Variants in PKM observed in about 807,000 individuals in gnomAD.
PKM encodes pyruvate kinase PKM.
In PKM, 18 loss-of-function variants were observed where a neutral mutation model predicts 49.8. That is an observed-to-expected ratio of 0.36 (90% CI 0.25 to 0.54). The LOEUF (loss-of-function observed/expected upper bound fraction) is 0.54, where lower values mean the gene tolerates loss of function less well. Among genes scored for constraint, PKM ranks in the 20% least tolerant of loss-of-function variants. PKM has a pLI of 0.89. For missense variants in PKM, 508 were observed against 713.8 expected, an observed-to-expected ratio of 0.71 and a Z score of 3.28; for synonymous variants, 239 against 261.8, an observed-to-expected ratio of 0.91 and a Z score of 0.84.
intron 3 of PKM, among the ~76,000 whole-genome samples, chr15:72,214,360 G>T (rs1410104569): frequency 6.6e-6 from 1 of 152,084 alleles, no homozygotes; most frequent in African/African-American, 2.4e-5. Flanking sequence ...TCAAATCTAT[G>T]TCATATATCA....
intron 4 of PKM, 200 bp from the exon 5 acceptor site, chr15:72,210,059 C>G (rs1381954015): frequency 1.6e-6 from 1 of 637,304 alleles, no homozygotes; most frequent in East Asian, 2.7e-5. Context: ...AGTTATGCTA[C>G]TTAATGATGG....
rs375024758 is a variant in PKM at position 72,209,785 on chromosome 15, C to T, written c.453G>A (p.Lys151=). 9 of 1,614,100 alleles carry T rather than the reference C, an allele frequency of 5.6e-6. No individual in the cohort carries two copies. Among genetic ancestry groups the T allele is most frequent in the African/African-American group, 1.3e-5 (1 of 75,026 alleles). The change falls in exon 5 of 11, where the codon AAG becomes AAA. Residue 151 remains lysine (K), a synonymous_variant. Coordinates refer to ENST00000335181, the MANE Select transcript of PKM (RefSeq NM_002654.6). ...KITLDNAYME[K]CDENILWLDY... is the part of the protein sequence containing the mutation. ...CCAGCCACAGGATGTTCTCGTCACA[C>T]TTTTCCATGTAGGCGTTATCCAGCG...
intron 4 of PKM, 156 bp from the exon 5 acceptor site, chr15:72,210,015 T>G (rs1051059313): frequency 1.4e-6 from 1 of 705,796 alleles, no homozygotes; most frequent in African/African-American, 1.8e-5. Context: ...CTCTGTATAC[T>G]TCACGGAAAT....
intron 1 of PKM, among the ~76,000 whole-genome samples, chr15:72,226,021 G>A (rs997591245): frequency 2.0e-5 from 3 of 152,194 alleles, no homozygotes; most frequent in African/African-American, 4.8e-5. Context: ...GCCCATCGGT[G>A]ACATTTGTTT....
In PKM at chr15:72,199,649, A is replaced by G. The variant is rs1027535730; in HGVS notation, c.*1T>C. On this transcript the variant is annotated 3_prime_UTR_variant, in exon 11 of 11. Coordinates refer to ENST00000335181, the MANE Select transcript of PKM (RefSeq NM_002654.6). ...GGCTGGAGGAGGGGCTCTGGGGTCC[A>G]TCACGGCACAGGAACAACACGCATG... 5.6e-6 allele frequency: 9 copies of G among 1,610,736 alleles called. No homozygotes were observed. In the African/African-American group the frequency reaches 1.2e-4, roughly 22 times the overall value.
intron 1 of PKM, among the ~76,000 whole-genome samples, chr15:72,225,781 G>A (rs979294906): frequency 3.3e-5 from 5 of 152,088 alleles, no homozygotes; most frequent in African/African-American, 4.8e-5. Flanking sequence ...CTCCCTCCCC[G>A]TTAAACTAAG....
At position 72,212,618 on chromosome 15, in the gene PKM, T is replaced by C. The variant is rs576913012; in HGVS notation, c.247-2140A>G. Among the ~76,000 whole-genome samples the C allele has an allele frequency of 3.3e-5, 5 of 152,320 alleles. No homozygotes were observed. In the South Asian group the frequency reaches 1.0e-3, roughly 32 times the overall value. Reference sequence around the variant, plus strand: ...AAGTACATGGTAATTATCTAATAAATGTTACCTATTATCATCTTATAATGA... The same window carrying C: ...AAGTACATGGTAATTATCTAATAAACGTTACCTATTATCATCTTATAATGA... On this transcript the variant is annotated intron_variant, in intron 3 of 10. Coordinates refer to ENST00000335181, the MANE Select transcript of PKM (RefSeq NM_002654.6).
In PKM at chr15:72,200,682, AG is replaced by A. The variant is rs2081923245; in HGVS notation, c.1308-28del. 1.3e-6 allele frequency: 2 copies of A among 1,597,532 alleles called. No homozygotes were observed. Among genetic ancestry groups the A allele is most frequent in the African/African-American group, 2.7e-5 (2 of 74,710 alleles). On this transcript the variant is annotated intron_variant, in intron 9 of 10. Transcript: ENST00000335181. This position sits in a 1 kb window ranked among gnomAD's most constrained non-coding sequence, Gnocchi z 4.6. ...TGAGATGGGATGGGGGACATACAGA[AG>A]AGACCATTACACGAGGCCCCAGGAA...
intron 1 of PKM, chr15:72,228,721 G>T: frequency 1.3e-6 from 1 of 793,820 alleles, no homozygotes; most frequent in Non-Finnish European, 1.8e-6. Context: ...CAGCACCTCA[G>T]GCCACCAAAG....
chr15:72,203,899 T>C (rs933342603), intron 8 of PKM: 2 of 152,342 alleles, frequency 1.3e-5, no homozygotes, highest in African/African-American at 4.8e-5. Flanking sequence ...AAAACAGTCA[T>C]GAGAAAGCCA....
intron 5 of PKM, chr15:72,209,396 A>AATATATGTATATATATATAT (rs2082172401): frequency 2.5e-5 from 2 of 78,982 alleles, no homozygotes; most frequent in African/African-American, 1.2e-4. Flanking sequence ...CAGCGAAACA[A>AATATATGTATATATATATAT]ATATATATAT....
chr15:72,203,435 A>C (rs969490419), intron 8 of PKM: 1 of 538,392 alleles, frequency 1.9e-6, no homozygotes, highest in Non-Finnish European at 3.4e-6. Context: ...GGATTTTTTC[A>C]TTGGGGGTGG....
chr15:72,208,022 A>T (rs1247622511), intron 6 of PKM, among the ~76,000 whole-genome samples: 1 of 152,198 alleles, frequency 6.6e-6, no homozygotes, highest in East Asian at 1.9e-4. Context: ...CTTTGTGAGC[A>T]TTGGGGAGGG....
intron 2 of PKM, 123 bp downstream of exon 2, chr15:72,218,821 T>A (rs995656397): frequency 9.1e-6 from 9 of 986,936 alleles, no homozygotes; most frequent in Non-Finnish European, 1.4e-5. Flanking sequence ...AGTCCTTTCA[T>A]AAGAATCTGT....
At chr15:72,226,879 T>G (rs1415105702) in intron 1 of PKM, among the ~76,000 whole-genome samples, 1 of 152,174 alleles carries the variant, frequency 6.6e-6, no homozygotes, top group Non-Finnish European at 1.5e-5. Context: ...CCCTCCTACG[T>G]GCAGACAAGC....
At chr15:72,204,412 G>C (rs2082021348) in intron 8 of PKM, 1 of 152,248 alleles carries the variant, frequency 6.6e-6, no homozygotes, top group Non-Finnish European at 1.5e-5. Flanking sequence ...GGGTATGGAA[G>C]AAAGGATATG....
chr15:72,205,449 A>T (rs1466295282), intron 8 of PKM, among the ~76,000 whole-genome samples: 1 of 152,180 alleles, frequency 6.6e-6, no homozygotes, highest in African/African-American at 2.4e-5. Context: ...GAAACCCACT[A>T]AGGATGCTGA....
chr15:72,210,563 A>G (rs2082226561), intron 3 of PKM, 85 bp from the exon 4 acceptor site: 2 of 1,520,148 alleles, frequency 1.3e-6, no homozygotes, highest in East Asian at 2.3e-5. Flanking sequence ...AAAGCTGATC[A>G]CTCAGGAAAG....
intron 1 of PKM, chr15:72,230,899 C>T (rs914434904): frequency 3.1e-6 from 4 of 1,284,364 alleles, no homozygotes; most frequent in Non-Finnish European, 4.1e-6. Flanking sequence ...GGCGGACCCG[C>T]CTGATCTGGA....
Sources: gnomAD v4.1 joint callset for allele counts (sites outside exome capture counted in the v4.1 genomes callset) on GRCh38, gnomAD v4.1.1 for gene constraint, Gnocchi (gnomAD v3.1) non-coding constraint, MANE v1.5 for transcripts, NCBI Gene and HGNC (gene_info 2026-07-23, HGNC 2026-07-21) for gene names.